Variants in PDE7B observed in about 807,000 individuals in gnomAD.
PDE7B encodes 3',5'-cyclic-AMP phosphodiesterase 7B.
A neutral mutation model predicts 56.2 loss-of-function variants in PDE7B; 29 were observed. That is an observed-to-expected ratio of 0.52 (90% CI 0.38 to 0.70). The LOEUF is 0.70. Ranked by LOEUF, PDE7B falls within the 30% of genes least tolerant of loss-of-function variation. The pLI is 0.00. For missense variants in PDE7B, 490 were observed against 565.0 expected, an observed-to-expected ratio of 0.87 and a Z score of 1.35; for synonymous variants, 197 against 196.9, an observed-to-expected ratio of 1.00 and a Z score of 0.00.
At chr6:136,174,997 G>A (rs968753849) in intron 9 of PDE7B, among the ~76,000 whole-genome samples, 3 of 152,008 alleles carry the variant, frequency 2.0e-5, no homozygotes, top group African/African-American at 4.8e-5. Context: ...AAGAAAGAAG[G>A]AGAAGGAAAG....
intron 3 of PDE7B, among the ~76,000 whole-genome samples, chr6:136,134,853 A>G (rs1195997783): frequency 2.0e-5 from 3 of 151,942 alleles, no homozygotes; most frequent in Non-Finnish European, 2.9e-5. Context: ...GCGATGCAGC[A>G]GGGGTGCAGA....
At chr6:135,955,737 C>A (rs749661724) in intron 2 of PDE7B, among the ~76,000 whole-genome samples, 43 of 152,044 alleles carry the variant, frequency 2.8e-4, no homozygotes, top group Non-Finnish European at 6.0e-4. Flanking sequence ...ATGAGTCCTA[C>A]CTGAATTGAG....
At chr6:136,012,894 T>C (rs1400491452) in intron 2 of PDE7B, among the ~76,000 whole-genome samples, 4 of 152,248 alleles carry the variant, frequency 2.6e-5, no homozygotes, top group Non-Finnish European at 5.9e-5. Flanking sequence ...CATGAACTTT[T>C]TTCTGTTATC....
At chr6:136,067,144 C>A (rs560506463) in intron 2 of PDE7B, among the ~76,000 whole-genome samples, 1 of 152,290 alleles carries the variant, frequency 6.6e-6, no homozygotes, top group East Asian at 1.9e-4. Context: ...AGCCATTGCA[C>A]CCAACACAAC....
At chr6:136,037,081 G>T (rs916209931) in intron 2 of PDE7B, among the ~76,000 whole-genome samples, 5 of 152,200 alleles carry the variant, frequency 3.3e-5, no homozygotes, top group Non-Finnish European at 1.5e-5. Context: ...ACCACTCTCA[G>T]GTCGGGGACA....
Position 135,920,572 on chromosome 6 carries a change from C to T in PDE7B, c.22-26892C>T, listed in dbSNP as rs548343651. 2.0e-5 allele frequency among the ~76,000 whole-genome samples: 3 copies of T among 152,232 alleles called. No homozygotes were observed. In the South Asian group the frequency reaches 6.2e-4, roughly 32 times the overall value. On this transcript the variant is annotated intron_variant, in intron 1 of 12. Coordinates refer to ENST00000308191, the MANE Select transcript of PDE7B (RefSeq NM_018945.4). ...ATATGATAGTGAATGTTTTTCCATT[C>T]CTAGAGCAAAGTCTCCATGAGTCTA...
intron 2 of PDE7B, chr6:136,037,559 G>A: frequency 2.0e-6 from 2 of 985,436 alleles, no homozygotes; most frequent in Non-Finnish European, 2.4e-6. Flanking sequence ...ACCCCCATCA[G>A]GCCCTCCAGA....
chr6:135,985,321 C>T (rs879415337), intron 2 of PDE7B, among the ~76,000 whole-genome samples: 2 of 152,166 alleles, frequency 1.3e-5, no homozygotes, highest in Non-Finnish European at 2.9e-5. Context: ...GCTCCACAGG[C>T]CCCTGGGATG....
At chr6:135,977,332 A>G (rs1281185172) in intron 2 of PDE7B, among the ~76,000 whole-genome samples, 1 of 152,126 alleles carries the variant, frequency 6.6e-6, no homozygotes, top group Non-Finnish European at 1.5e-5. Context: ...AATGGGATTG[A>G]AAACATTTGA....
chr6:136,005,920 G>T (rs1261847527), intron 2 of PDE7B, among the ~76,000 whole-genome samples: 1 of 151,870 alleles, frequency 6.6e-6, no homozygotes, highest in Non-Finnish European at 1.5e-5. Context: ...GTTTATTGCG[G>T]CACTATTCAC....
chr6:136,185,319 T>G (rs1444742804), intron 11 of PDE7B, among the ~76,000 whole-genome samples: 4 of 152,140 alleles, frequency 2.6e-5, no homozygotes, highest in Non-Finnish European at 4.4e-5. Flanking sequence ...AAGCCAAACT[T>G]CCTATGCTGG....
intron 2 of PDE7B, among the ~76,000 whole-genome samples, chr6:136,027,985 T>C (rs6938787): frequency 0.43 from 65,863 of 152,036 alleles, 14,382 homozygotes; most frequent in Admixed American, 0.54. Flanking sequence ...TACAGCACTG[T>C]AGTTCACCAT....
chr6:135,957,893 A>T (rs181112809), intron 2 of PDE7B, among the ~76,000 whole-genome samples: 159 of 152,226 alleles, frequency 1.0e-3, no homozygotes, highest in African/African-American at 3.8e-3. Flanking sequence ...CTCTGGGAGT[A>T]CAAATGTCCC....
intron 10 of PDE7B, 25 bp downstream of exon 10, chr6:136,179,166 C>A: frequency 1.2e-6 from 2 of 1,610,078 alleles, no homozygotes; most frequent in East Asian, 2.2e-5. Context: ...AAAAGCCATT[C>A]TTTTTGCTGA....
At chr6:136,037,663 G>A in intron 2 of PDE7B, 1 of 985,436 alleles carries the variant, frequency 1.0e-6, no homozygotes, top group Non-Finnish European at 1.2e-6. Flanking sequence ...TGTACCACAG[G>A]GGTGACTCCT....
At chr6:135,917,229 T>C (rs1773969893) in intron 1 of PDE7B, among the ~76,000 whole-genome samples, 1 of 152,232 alleles carries the variant, frequency 6.6e-6, no homozygotes, top group Admixed American at 6.5e-5. Flanking sequence ...TGCATTTCCA[T>C]GTGCATCTTA....
At chr6:135,980,101 C>T (rs201227831) in intron 2 of PDE7B, among the ~76,000 whole-genome samples, 4,600 of 152,070 alleles carry the variant, frequency 0.03, 201 homozygotes, top group African/African-American at 0.098. Context: ...AGATATAGAT[C>T]AATGGAACAG....
intron 2 of PDE7B, among the ~76,000 whole-genome samples, chr6:135,994,336 C>T (rs1775527783): frequency 6.6e-6 from 1 of 152,074 alleles, no homozygotes; most frequent in Non-Finnish European, 1.5e-5. Flanking sequence ...GTATCATTCA[C>T]AGTTATATTA....
chr6:135,894,516 A>G (rs1482027145), intron 1 of PDE7B, among the ~76,000 whole-genome samples: 1 of 152,128 alleles, frequency 6.6e-6, no homozygotes, highest in Admixed American at 6.6e-5. Context: ...TAAGGACTCC[A>G]AGGAAACAAG....
Sources: allele counts gnomAD v4.1 joint callset (sites outside exome capture counted in the v4.1 genomes callset), GRCh38; gene constraint gnomAD v4.1.1; transcripts MANE v1.5; gene names NCBI Gene and HGNC (gene_info 2026-07-23, HGNC 2026-07-21).